The following NWD2 variants were observed in gnomAD, a reference collection of about 807,000 sequenced individuals.
NWD2 encodes the protein NACHT and WD repeat domain containing 2.
In NWD2, 37 loss-of-function variants were observed where a neutral mutation model predicts 132.7. The ratio of observed to expected loss-of-function variants is 0.28; its 90% CI spans 0.21 to 0.37. NWD2 has a LOEUF of 0.37. NWD2 is among the 10% of genes least tolerant of loss of function. The pLI is 1.00. For missense variants in NWD2, 1,592 were observed against 2,122.4 expected (o/e 0.75, Z 4.91); for synonymous variants, 705 against 803.0 (o/e 0.88, Z 2.06).
chr4:37,404,752 G>A (rs1720961258), intron 3 of NWD2, among the ~76,000 whole-genome samples: 1 of 152,196 alleles, frequency 6.6e-6, no homozygotes, highest in African/African-American at 2.4e-5. Flanking sequence ...TTCTGGAGAG[G>A]CCTCAGGGAA....
intron 4 of NWD2, among the ~76,000 whole-genome samples, chr4:37,431,597 G>C (rs1225106063): frequency 6.6e-6 from 1 of 152,110 alleles, no homozygotes; most frequent in Non-Finnish European, 1.5e-5. Context: ...CCTGAAATTG[G>C]CTGAGAGAGC....
At chr4:37,330,855 C>A (rs1660237794) in intron 2 of NWD2, among the ~76,000 whole-genome samples, 1 of 137,392 alleles carries the variant, frequency 7.3e-6, no homozygotes, top group Non-Finnish European at 1.6e-5. Context: ...AATCATCACC[C>A]TACTTGAGTA....
intron 1 of NWD2, among the ~76,000 whole-genome samples, chr4:37,252,831 C>G (rs971217614): frequency 6.6e-6 from 1 of 152,182 alleles, no homozygotes; most frequent in African/African-American, 2.4e-5. Context: ...AAGGCCTGGG[C>G]TTGGAAGTCC....
chr4:37,244,923 C>T lies in NWD2; in HGVS notation c.-145C>T. ...GGGTGCTGTGCGCCACGGAGCTCGC[C>T]AAAGGCGCTTCGGGCTCGGAGCGGC... On this transcript the variant is annotated 5_prime_UTR_variant, in exon 1 of 7. Coordinates refer to ENST00000309447, the MANE Select transcript of NWD2 (RefSeq NM_001144990.2). This position sits in a 1 kb window ranked among gnomAD's most constrained non-coding sequence, Gnocchi z 5.5. The T allele has an allele frequency of 9.1e-7, 1 of 1,097,718 alleles. No individual in the cohort carries two copies. 68.0% of individuals were successfully genotyped at this position (1,097,718 alleles called of 1,614,324 possible).
At chr4:37,330,584 T>A (rs1267298802) in intron 2 of NWD2, among the ~76,000 whole-genome samples, 2 of 152,184 alleles carry the variant, frequency 1.3e-5, no homozygotes, top group African/African-American at 4.8e-5. Flanking sequence ...CTAACCCTCA[T>A]TGCTTCAAAA....
intron 1 of NWD2, among the ~76,000 whole-genome samples, chr4:37,283,201 G>A (rs1718164334): frequency 6.6e-6 from 1 of 152,088 alleles, no homozygotes; most frequent in Non-Finnish European, 1.5e-5. Flanking sequence ...TAAATTATCA[G>A]AATTCATATT....
At chr4:37,422,974 T>C (rs1247453496) in intron 3 of NWD2, among the ~76,000 whole-genome samples, 2 of 148,104 alleles carry the variant, frequency 1.4e-5, no homozygotes, top group Non-Finnish European at 3.0e-5. Context: ...GTACACATTG[T>C]AGGAAATTGA....
chr4:37,406,671 G>A (rs1252954122), intron 3 of NWD2, among the ~76,000 whole-genome samples: 1 of 152,192 alleles, frequency 6.6e-6, no homozygotes, highest in Non-Finnish European at 1.5e-5. Flanking sequence ...GCCGAGGTGA[G>A]TGGATTACCT....
chr4:37,292,593 C>T (rs1560386901), intron 1 of NWD2, among the ~76,000 whole-genome samples: 1 of 151,748 alleles, frequency 6.6e-6, no homozygotes, highest in Non-Finnish European at 1.5e-5. Context: ...ACCTCCTGCC[C>T]CAGGATCCCA....
intron 1 of NWD2, among the ~76,000 whole-genome samples, chr4:37,319,277 G>C (rs1719022428): frequency 6.6e-6 from 1 of 151,978 alleles, no homozygotes; most frequent in African/African-American, 2.4e-5. Context: ...GTCTTCTTTT[G>C]AGAAGTACCT....
chr4:37,323,513 C>T (rs111229670), intron 1 of NWD2, among the ~76,000 whole-genome samples: 6 of 152,136 alleles, frequency 3.9e-5, no homozygotes, highest in African/African-American at 9.6e-5. Context: ...CCAGTCAGAA[C>T]GGCTACTACT....
intron 3 of NWD2, among the ~76,000 whole-genome samples, chr4:37,428,235 G>A (rs1461223450): frequency 1.3e-5 from 2 of 152,164 alleles, no homozygotes; most frequent in Non-Finnish European, 2.9e-5. Flanking sequence ...GAAGTAGTCA[G>A]AAATGCCCCC....
intron 4 of NWD2, among the ~76,000 whole-genome samples, 192 bp downstream of exon 4, chr4:37,430,967 A>G (rs1712160433): frequency 1.3e-5 from 2 of 152,186 alleles, no homozygotes; most frequent in South Asian, 2.1e-4. Flanking sequence ...CCACAATGCC[A>G]TATCACTTTA....
chr4:37,421,972 G>C (rs1163846055), intron 3 of NWD2, among the ~76,000 whole-genome samples: 1 of 152,190 alleles, frequency 6.6e-6, no homozygotes, highest in Non-Finnish European at 1.5e-5. Context: ...ACTAGACAGA[G>C]AGAGCTCTGG....
At chr4:37,338,077 T>C (rs1231511899) in intron 2 of NWD2, among the ~76,000 whole-genome samples, 1 of 152,252 alleles carries the variant, frequency 6.6e-6, no homozygotes, top group Non-Finnish European at 1.5e-5. Context: ...AATCTTTCTC[T>C]GATCTTTCCC....
At chr4:37,392,391 G>T (rs564801680) in intron 3 of NWD2, among the ~76,000 whole-genome samples, 1 of 152,116 alleles carries the variant, frequency 6.6e-6, no homozygotes, top group Non-Finnish European at 1.5e-5. Context: ...CCCAGCCTCA[G>T]CTATACTGAC....
At chr4:37,284,959 C>A (rs112460368) in intron 1 of NWD2, among the ~76,000 whole-genome samples, 5 of 152,192 alleles carry the variant, frequency 3.3e-5, no homozygotes, top group African/African-American at 1.2e-4. Flanking sequence ...TTTGTTTTAC[C>A]CATGAATTGC....
chr4:37,319,214 T>C (rs1442331735), intron 1 of NWD2, among the ~76,000 whole-genome samples: 1 of 152,186 alleles, frequency 6.6e-6, no homozygotes, highest in African/African-American at 2.4e-5. Flanking sequence ...TAATTTGCAT[T>C]TCTTGGTGAC....
chr4:37,417,130 A>G (rs1328465036), intron 3 of NWD2, among the ~76,000 whole-genome samples: 1 of 152,180 alleles, frequency 6.6e-6, no homozygotes, highest in Non-Finnish European at 1.5e-5. Flanking sequence ...TAAAATTTAG[A>G]ATATATTTCT....
Sources: allele counts gnomAD v4.1 joint callset (sites outside exome capture counted in the v4.1 genomes callset), GRCh38; gene constraint gnomAD v4.1.1; non-coding constraint Gnocchi (gnomAD v3.1); transcripts MANE v1.5; gene names NCBI Gene and HGNC (gene_info 2026-07-23, HGNC 2026-07-21).